The following ADAM17 variants were observed in gnomAD, a reference collection of about 807,000 sequenced individuals.
ADAM17 encodes the protein disintegrin and metalloproteinase domain-containing protein 17.
ADAM17 carries 39 observed loss-of-function variants against 96.7 expected under a neutral mutation model. That is an observed-to-expected ratio of 0.40 (90% CI 0.31 to 0.53). ADAM17 has a LOEUF of 0.53. ADAM17 is among the 20% of genes least tolerant of loss of function. The probability of loss-of-function intolerance (pLI) is 0.44; values close to 1 mark genes in which losing one functional copy is unlikely to be tolerated. For synonymous variants in ADAM17, 344 were observed against 359.2 expected (o/e 0.96, Z 0.48); for missense variants, 777 against 1,013.2 (o/e 0.77, Z 3.17).
intron 2 of ADAM17, among the ~76,000 whole-genome samples, chr2:9,542,178 A>G (rs1414454776): frequency 6.6e-6 from 1 of 152,236 alleles, no homozygotes; most frequent in Non-Finnish European, 1.5e-5. Flanking sequence ...TGGTATTAAA[A>G]TTACTACTGA....
At position 9,494,634 on chromosome 2, in the gene ADAM17, C is replaced by T; in HGVS notation, c.1914+3G>A. On this transcript the variant is annotated splice_donor_region_variant and intron_variant, in intron 15 of 18. Transcript: ENST00000310823. ...ACAGAAAAAGCTGTACATAAATACTCACATTCATGTCACAAAATCCTACTG... is the reference window on the plus strand; with the variant it reads ...ACAGAAAAAGCTGTACATAAATACTTACATTCATGTCACAAAATCCTACTG... 6.2e-7 allele frequency: 1 copy of T among 1,613,580 alleles called. No individual in the cohort carries two copies. The highest frequency in any genetic ancestry group is 1.1e-5 in the South Asian group (1 of 90,964).
chr2:9,510,256 T>C, intron 10 of ADAM17, 125 bp from the exon 11 acceptor site: 1 of 1,082,964 alleles, frequency 9.2e-7, no homozygotes. Flanking sequence ...AAGAACTGCA[T>C]GCTTATAATA....
intron 14 of ADAM17, 108 bp downstream of exon 14, chr2:9,497,006 G>T: frequency 6.7e-7 from 1 of 1,502,724 alleles, no homozygotes; most frequent in Non-Finnish European, 8.9e-7. Flanking sequence ...TCCTCGGCTT[G>T]GATCTCACCA....
chr2:9,536,775 T>A lies in ADAM17; in HGVS notation c.284A>T (p.Lys95Met). ...GTTTTTACCATCCACCACCACGACC[T>A]TGAAATTTTGTGAAAAACGTTCAGT... is the stretch of plus-strand genomic sequence containing the variant. Reference protein sequence around the residue: ...SSTERFSQNFKVVVVDGKNES... With the variant: ...SSTERFSQNFMVVVVDGKNES... The change falls in exon 3 of 19, where the codon AAG becomes ATG. Residue 95 changes from lysine to methionine, a missense_variant. This residue lies in a region of ADAM17 where 134 missense variants were observed against 129.1 expected (regional missense o/e 1.04). Transcript: ENST00000310823. The A allele has an allele frequency of 6.2e-7, 1 of 1,614,120 alleles. No homozygotes were observed. Among genetic ancestry groups the A allele is most frequent in the Non-Finnish European group, 8.5e-7 (1 of 1,179,976 alleles).
In ADAM17 at chr2:9,555,772, C is replaced by A; in HGVS notation, c.-167G>T. ...GAAGATTCTACCGCCAGGCTCGACG[C>A]CCCCAGAAGTGCAGGTGGCGTTACC... is the stretch of plus-strand genomic sequence containing the variant. On this transcript the variant is annotated 5_prime_UTR_variant, in exon 1 of 19. Coordinates refer to ENST00000310823, the MANE Select transcript of ADAM17 (RefSeq NM_003183.6). The A allele has an allele frequency of 1.9e-6, 1 of 531,088 alleles. No individual in the cohort carries two copies. Among genetic ancestry groups the A allele is most frequent in the Non-Finnish European group, 3.1e-6 (1 of 321,132 alleles). 32.9% of individuals were successfully genotyped at this position (531,088 alleles called of 1,614,324 possible).
chr2:9,515,479 G>A (rs10210919), intron 10 of ADAM17, among the ~76,000 whole-genome samples: 86,580 of 151,886 alleles, frequency 0.57, 26,055 homozygotes, highest in Middle Eastern at 0.74. Context: ...GCTCACACCC[G>A]TAATCCCAGC....
Position 9,531,815 on chromosome 2 carries a change from C to T in ADAM17, c.451-3861G>A, listed in dbSNP as rs4477882. On this transcript the variant is annotated intron_variant, in intron 4 of 18. Coordinates refer to ENST00000310823, the MANE Select transcript of ADAM17 (RefSeq NM_003183.6). ...GTCAGTGACGGTTTAAAATATTTAACGGCTGCGCACAGTGGCTCACACCTG... is the reference window on the plus strand; with the variant it reads ...GTCAGTGACGGTTTAAAATATTTAATGGCTGCGCACAGTGGCTCACACCTG... Among the ~76,000 whole-genome samples, 5 of 151,140 alleles carry T rather than the reference C, an allele frequency of 3.3e-5. No homozygotes were observed. The East Asian group carries it at 7.9e-4, about 24-fold the overall frequency.
intron 13 of ADAM17, among the ~76,000 whole-genome samples, chr2:9,501,412 A>T (rs371357558): frequency 6.6e-6 from 1 of 152,160 alleles, no homozygotes; most frequent in African/African-American, 2.4e-5. Context: ...CTCTGTGACT[A>T]CACAATGACA....
In ADAM17 at chr2:9,555,585, G is replaced by T; in HGVS notation, c.21C>A (p.Phe7Leu). 1 of 1,592,338 alleles carries T rather than the reference G, an allele frequency of 6.3e-7. No homozygotes were observed. Among genetic ancestry groups the T allele is most frequent in the Non-Finnish European group, 8.6e-7 (1 of 1,169,126 alleles). ...GCACGAAAGGAACCACGCTGGTCAG[G>T]AATAGGAGAGACTGCCTCATGTTCC... MRQSLLFLTSVVPFVLA... is the reference protein window; with the variant it reads MRQSLLLLTSVVPFVLA... The change falls in exon 1 of 19, where the codon TTC (phenylalanine) becomes TTA (leucine). Residue 7 changes from phenylalanine (F) to leucine (L), a missense_variant. Transcript: ENST00000310823.
At chr2:9,526,394 G>C in intron 5 of ADAM17, 150 bp from the exon 6 acceptor site, 1 of 815,846 alleles carries the variant, frequency 1.2e-6, no homozygotes, top group Non-Finnish European at 1.8e-6. Context: ...AAATAATTTG[G>C]AGGAAGACAG....
intron 13 of ADAM17, among the ~76,000 whole-genome samples, chr2:9,499,440 T>C (rs1040317307): frequency 5.3e-5 from 8 of 152,154 alleles, no homozygotes; most frequent in African/African-American, 1.7e-4. Flanking sequence ...CTTGCTCTGT[T>C]GCCCAGGCTG....
At chr2:9,515,370 A>G (rs1664004001) in intron 10 of ADAM17, among the ~76,000 whole-genome samples, 1 of 152,122 alleles carries the variant, frequency 6.6e-6, no homozygotes, top group African/African-American at 2.4e-5. Flanking sequence ...TGGATGTGCC[A>G]GTTTATCCAT....
intron 7 of ADAM17, 198 bp from the exon 8 acceptor site, chr2:9,521,514 C>T (rs1312285144): frequency 7.1e-6 from 2 of 280,450 alleles, no homozygotes; most frequent in Admixed American, 1.0e-4. Flanking sequence ...AAACATATGT[C>T]AATGAATTAT....
intron 7 of ADAM17, chr2:9,522,161 A>T (rs1388819281): frequency 2.8e-6 from 1 of 351,938 alleles, no homozygotes; most frequent in African/African-American, 2.1e-5. Flanking sequence ...TTTATAATAA[A>T]ACAAGTGAAG....
chr2:9,514,518 A>ATATATATAT (rs1663932935), intron 10 of ADAM17, among the ~76,000 whole-genome samples: 1 of 89,858 alleles, frequency 1.1e-5, no homozygotes, highest in African/African-American at 4.4e-5. Context: ...TTAAAATATA[A>ATATATATAT]ATATATATAT....
chr2:9,523,416 G>T (rs1222610953), intron 6 of ADAM17, 78 bp from the exon 7 acceptor site: 8 of 1,285,470 alleles, frequency 6.2e-6, no homozygotes, highest in Non-Finnish European at 8.7e-6. Flanking sequence ...AATCTATGGG[G>T]AAAGAAAAAA....
intron 6 of ADAM17, among the ~76,000 whole-genome samples, chr2:9,524,259 T>G (rs918902143): frequency 6.6e-6 from 1 of 152,066 alleles, no homozygotes; most frequent in African/African-American, 2.4e-5. Flanking sequence ...CCCAGCACCT[T>G]GGGAGGCTGA....
intron 1 of ADAM17, among the ~76,000 whole-genome samples, chr2:9,551,551 C>G (rs1229247190): frequency 6.6e-6 from 1 of 152,132 alleles, no homozygotes; most frequent in African/African-American, 2.4e-5. Flanking sequence ...GCTCCACCTC[C>G]CAGGTTCACA....
At chr2:9,510,380 G>A (rs1364440078) in intron 10 of ADAM17, among the ~76,000 whole-genome samples, 3 of 152,018 alleles carry the variant, frequency 2.0e-5, no homozygotes, top group Non-Finnish European at 2.9e-5. Flanking sequence ...ATATTAACCA[G>A]GTGGGCTAGG....
Sources: allele counts gnomAD v4.1 joint callset (sites outside exome capture counted in the v4.1 genomes callset), GRCh38; gene constraint gnomAD v4.1.1; regional missense constraint gnomAD v4.1.1; transcripts MANE v1.5; gene names NCBI Gene and HGNC (gene_info 2026-07-23, HGNC 2026-07-21).